MLPH: variants seen among roughly 807,000 people sequenced by gnomAD.
MLPH encodes the protein exophilin-3.
In MLPH, 51 loss-of-function variants were observed where a neutral mutation model predicts 72.1. The ratio of observed to expected loss-of-function variants is 0.71; its 90% CI spans 0.56 to 0.89. The LOEUF (loss-of-function observed/expected upper bound fraction) is 0.89, where lower values mean the gene tolerates loss of function less well. MLPH is among the 40% of genes least tolerant of loss of function. The probability of loss-of-function intolerance (pLI) is 0.00; values close to 1 mark genes in which losing one functional copy is unlikely to be tolerated. For synonymous variants in MLPH, 301 were observed against 310.1 expected (o/e 0.97, Z 0.31); for missense variants, 743 against 759.9 (o/e 0.98, Z 0.26).
At chr2:237,493,332 T>C (rs1383646175) in intron 1 of MLPH, 71 bp from the exon 2 acceptor site, 3 of 980,624 alleles carry the variant, frequency 3.1e-6, no homozygotes, top group Non-Finnish European at 5.0e-6. Flanking sequence ...CTGTGTTGTC[T>C]CTTACTCTGT....
intron 8 of MLPH, among the ~76,000 whole-genome samples, chr2:237,532,509 G>T (rs1181000147): frequency 6.6e-6 from 1 of 152,254 alleles, no homozygotes; most frequent in African/African-American, 2.4e-5. Context: ...ATTCGTGTGT[G>T]CTCGGGCTAC....
At chr2:237,502,409 G>A (rs1170395109) in intron 2 of MLPH, among the ~76,000 whole-genome samples, 3 of 152,170 alleles carry the variant, frequency 2.0e-5, no homozygotes, top group Non-Finnish European at 4.4e-5. Flanking sequence ...CACAAAAGGA[G>A]CAGGCCTCCT....
intron 14 of MLPH, 113 bp from the exon 15 acceptor site, chr2:237,552,224 A>G: frequency 1.3e-6 from 1 of 763,796 alleles, no homozygotes; most frequent in Non-Finnish European, 2.3e-6. Context: ...GCTTCTTAAA[A>G]GGGGATATGT....
At chr2:237,515,368 C>T (rs1199167901) in intron 4 of MLPH, among the ~76,000 whole-genome samples, 1 of 152,070 alleles carries the variant, frequency 6.6e-6, no homozygotes, top group African/African-American at 2.4e-5. Flanking sequence ...AGAGCCAGGC[C>T]CTGCTGTCCC....
chr2:237,500,786 C>T (rs1394270952), intron 2 of MLPH, among the ~76,000 whole-genome samples: 1 of 152,114 alleles, frequency 6.6e-6, no homozygotes, highest in Non-Finnish European at 1.5e-5. Flanking sequence ...CCCCACACCC[C>T]ACACTCAGCC....
intron 8 of MLPH, among the ~76,000 whole-genome samples, chr2:237,533,253 A>G (rs972937603): frequency 6.6e-6 from 1 of 152,174 alleles, no homozygotes; most frequent in Non-Finnish European, 1.5e-5. Context: ...TTTCAAAAAC[A>G]CAGTTCCCAG....
rs140220363 is a variant in MLPH, at chr2:237,507,580, T to C, written c.111-2994T>C. 3.0e-4 allele frequency among the ~76,000 whole-genome samples: 46 copies of C among 152,314 alleles called. 1 individual carries two copies. In the East Asian group the frequency reaches 4.8e-3, roughly 16 times the overall value. On this transcript the variant is annotated intron_variant, in intron 2 of 15. Transcript: ENST00000264605. ...TTCTCAAATGTTGACACATTTCATATGCACACCAAAAGAGAACCACTTCTG... is the reference window on the plus strand; with the variant it reads ...TTCTCAAATGTTGACACATTTCATACGCACACCAAAAGAGAACCACTTCTG...
intron 2 of MLPH, among the ~76,000 whole-genome samples, chr2:237,495,744 G>A (rs561098458): frequency 7.2e-5 from 11 of 152,256 alleles, no homozygotes; most frequent in South Asian, 6.2e-4. Context: ...CACCGGCCTC[G>A]GGGGAGGGCC....
chr2:237,519,849 T>A lies in MLPH; in HGVS notation c.556-61T>A, dbSNP rs187832610. On this transcript the variant is annotated intron_variant, in intron 5 of 15. Transcript: ENST00000264605. ...TGTGGGGTTGGGGAGGTGCAGGGTA[T>A]TTGGTCCTCTCCCTCAAGCTAGCCC... is the stretch of plus-strand genomic sequence containing the variant. The A allele has an allele frequency of 6.3e-4, 1,010 of 1,612,790 alleles. 5 individuals carry two copies. The African/African-American group carries it at 0.01, about 16-fold the overall frequency.
intron 1 of MLPH, among the ~76,000 whole-genome samples, chr2:237,492,736 A>T (rs751548380): frequency 6.6e-6 from 1 of 152,224 alleles, no homozygotes; most frequent in Non-Finnish European, 1.5e-5. Context: ...CCTCACAGGC[A>T]TCAGGCTCAT....
chr2:237,497,559 C>T (rs2079560327), intron 2 of MLPH, among the ~76,000 whole-genome samples: 1 of 152,148 alleles, frequency 6.6e-6, no homozygotes, highest in Non-Finnish European at 1.5e-5. Flanking sequence ...GTGCTCTGCT[C>T]AAACCAGGTG....
chr2:237,529,787 C>T (rs2080380484), intron 8 of MLPH, among the ~76,000 whole-genome samples: 1 of 152,252 alleles, frequency 6.6e-6, no homozygotes, highest in Non-Finnish European at 1.5e-5. Flanking sequence ...GGCACATCTT[C>T]TGGAGCCTGG....
At chr2:237,496,323 C>T (rs1000076319) in intron 2 of MLPH, among the ~76,000 whole-genome samples, 2 of 152,160 alleles carry the variant, frequency 1.3e-5, no homozygotes, top group African/African-American at 2.4e-5. Context: ...GCACTGTCTT[C>T]CAGGGGACTG....
rs183443954 is a variant in MLPH at position 237,498,652 on chromosome 2, A to G, written c.110+5116A>G. Among the ~76,000 whole-genome samples, 13 of 152,308 alleles carry G rather than the reference A, an allele frequency of 8.5e-5. No individual in the cohort carries two copies. In the East Asian group the frequency reaches 2.5e-3, roughly 29 times the overall value. Reference sequence around the variant, plus strand: ...TGGCCCTTAGGAGGGATCGGTGAGAAGGAAGGGGAAGCCAGCACGTCTTGA... The same window carrying G: ...TGGCCCTTAGGAGGGATCGGTGAGAGGGAAGGGGAAGCCAGCACGTCTTGA... On this transcript the variant is annotated intron_variant, in intron 2 of 15. Transcript: ENST00000264605.
intron 10 of MLPH, 85 bp downstream of exon 10, chr2:237,540,618 C>T (rs1394589463): frequency 6.6e-7 from 1 of 1,519,796 alleles, no homozygotes; most frequent in African/African-American, 1.4e-5. Flanking sequence ...CCACCCTCCC[C>T]AGGGAGGCAG....
chr2:237,507,297 C>T, intron 2 of MLPH: 1 of 152,070 alleles, frequency 6.6e-6, no homozygotes, highest in East Asian at 1.9e-4. Flanking sequence ...AAACTCCTGA[C>T]CTCAAGTGAT....
intron 4 of MLPH, among the ~76,000 whole-genome samples, chr2:237,515,560 C>T (rs1309172511): frequency 2.6e-5 from 4 of 152,164 alleles, no homozygotes; most frequent in African/African-American, 4.8e-5. Context: ...ACCACGCGGT[C>T]GTTTCACATA....
chr2:237,500,447 C>T (rs1020693446), intron 2 of MLPH, among the ~76,000 whole-genome samples: 23 of 152,144 alleles, frequency 1.5e-4, no homozygotes, highest in Non-Finnish European at 2.1e-4. Flanking sequence ...AAGTTTTAAT[C>T]GTATTCAATT....
chr2:237,547,744 A>C, intron 13 of MLPH, among the ~76,000 whole-genome samples: 1 of 141,012 alleles, frequency 7.1e-6, no homozygotes. Flanking sequence ...AGCAGTGCAC[A>C]GAGGGCAGAG....
Sources: gnomAD v4.1 joint callset for allele counts (sites outside exome capture counted in the v4.1 genomes callset) on GRCh38, gnomAD v4.1.1 for gene constraint, MANE v1.5 for transcripts, NCBI Gene and HGNC (gene_info 2026-07-23, HGNC 2026-07-21) for gene names.